CHD6: variants seen among roughly 807,000 people sequenced by gnomAD.
CHD6 encodes the protein chromodomain helicase DNA binding protein 6, also known as ATP-dependent chromatin remodeler CHD6.
In CHD6, 50 loss-of-function variants were observed where a neutral mutation model predicts 276.9. That is an observed-to-expected ratio of 0.18 (90% confidence interval 0.14 to 0.23). The LOEUF is 0.23. Among genes scored for constraint, CHD6 ranks in the 10% least tolerant of loss-of-function variants. The pLI, the probability that CHD6 is intolerant of heterozygous loss-of-function variation, is 1.00. For missense variants in CHD6, 2,564 were observed against 3,365.8 expected (o/e 0.76, Z 5.89); for synonymous variants, 1,173 against 1,229.3 (o/e 0.95, Z 0.96).
chr20:41,539,578 G>T (rs2044900679), intron 2 of CHD6, among the ~76,000 whole-genome samples: 1 of 152,222 alleles, frequency 6.6e-6, no homozygotes, highest in Non-Finnish European at 1.5e-5. Flanking sequence ...CATGAGGGCA[G>T]TGCTAGAAAT....
rs1019551690 is a variant in CHD6, at chr20:41,416,517, T to C, written c.6486+71A>G. 9 of 1,391,586 alleles carry C rather than the reference T, an allele frequency of 6.5e-6. No homozygotes were observed. The Admixed American group carries it at 1.7e-4, about 26-fold the overall frequency. 86.2% of individuals were successfully genotyped at this position (1,391,586 alleles called of 1,614,324 possible). ...ACTCAGTAAATACTTGCTGAATGAA[T>C]GAACTCAACAGAGACGTGGAACACG... On this transcript the variant is annotated intron_variant, in intron 33 of 36. Coordinates refer to ENST00000373233, the MANE Select transcript of CHD6 (RefSeq NM_032221.5).
intron 1 of CHD6, among the ~76,000 whole-genome samples, chr20:41,563,535 G>C (rs1358080808): frequency 6.6e-6 from 1 of 152,132 alleles, no homozygotes; most frequent in African/African-American, 2.4e-5. Flanking sequence ...TGATGAGTGA[G>C]GCACATTCGC....
At chr20:41,559,849 A>C (rs1037893312) in intron 1 of CHD6, among the ~76,000 whole-genome samples, 7 of 151,810 alleles carry the variant, frequency 4.6e-5, no homozygotes, top group Admixed American at 4.6e-4. Flanking sequence ...TTCCAAAACG[A>C]AACTCAGTAC....
chr20:41,444,902 G>A (rs2048017382), intron 25 of CHD6, among the ~76,000 whole-genome samples: 6 of 152,168 alleles, frequency 3.9e-5, no homozygotes, highest in Admixed American at 3.9e-4. Flanking sequence ...GCTAAAGCCA[G>A]GTATACCTAA....
intron 3 of CHD6, 60 bp downstream of exon 3, chr20:41,532,990 A>C: frequency 6.6e-7 from 1 of 1,520,754 alleles, no homozygotes; most frequent in Non-Finnish European, 8.8e-7. Flanking sequence ...GCTAATGCCA[A>C]AGGCAAATCG....
chr20:41,583,121 C>T (rs1424047186), intron 1 of CHD6, among the ~76,000 whole-genome samples: 1 of 152,068 alleles, frequency 6.6e-6, no homozygotes, highest in Non-Finnish European at 1.5e-5. Context: ...AAAATAAAGT[C>T]ATCAAATCAC....
At chr20:41,453,163 T>G (rs2048289777) in intron 20 of CHD6, among the ~76,000 whole-genome samples, 1 of 152,072 alleles carries the variant, frequency 6.6e-6, no homozygotes, top group Non-Finnish European at 1.5e-5. Flanking sequence ...TGGCCCCCAG[T>G]GCTGCTTGTC....
Position 41,423,495 on chromosome 20 carries a change from C to T in CHD6, c.4552G>A (p.Gly1518Ser), listed in dbSNP as rs752231563. 6.2e-7 allele frequency: 1 copy of T among 1,613,754 alleles called. No homozygotes were observed. ...NVCRLPTWKD[G>S]GPPDTTIYVE... is the part of the protein sequence containing the mutation. ...AATATACTGATAGTTTTCTCACCGC[C>T]ATCTTTCCATGTGGGTAGACGACAG... is the stretch of plus-strand genomic sequence containing the variant. The change falls in exon 30 of 37, where the codon GGC (glycine) becomes AGC (serine). Residue 1518 changes from glycine to serine, a missense_variant. By Grantham distance (56) the Gly-to-Ser change is moderately conservative (BLOSUM62 0). This residue lies in a region of CHD6 where 515 missense variants were observed against 739.5 expected (regional missense o/e 0.70). Coordinates refer to ENST00000373233, the MANE Select transcript of CHD6 (RefSeq NM_032221.5).
At chr20:41,547,696 G>C (rs1201808301) in intron 2 of CHD6, 4 of 698,888 alleles carry the variant, frequency 5.7e-6, no homozygotes, top group Non-Finnish European at 9.7e-6. Flanking sequence ...CCAATAGACA[G>C]AAAGAAACAG....
chr20:41,570,158 G>A (rs1364845529), intron 1 of CHD6, among the ~76,000 whole-genome samples: 1 of 152,218 alleles, frequency 6.6e-6, no homozygotes, highest in African/African-American at 2.4e-5. Context: ...ATTTGAAAAT[G>A]ACAGTCTTTA....
chr20:41,555,672 G>A (rs1202861313), intron 1 of CHD6, among the ~76,000 whole-genome samples: 31 of 148,380 alleles, frequency 2.1e-4, no homozygotes, highest in Non-Finnish European at 3.8e-4. Flanking sequence ...GGGCAGAGGC[G>A]CTCCCCACAT....
At chr20:41,408,632 A>G (rs992142342) in intron 36 of CHD6, among the ~76,000 whole-genome samples, 2 of 152,156 alleles carry the variant, frequency 1.3e-5, no homozygotes, top group Non-Finnish European at 2.9e-5. Flanking sequence ...ACTTGACCAC[A>G]TATCTTTCTG....
At chr20:41,597,286 C>T (rs548017431) in intron 1 of CHD6, among the ~76,000 whole-genome samples, 153 of 152,218 alleles carry the variant, frequency 1.0e-3, no homozygotes, top group African/African-American at 3.4e-3. Context: ...AACTGCTCCC[C>T]GGAAAGACAT....
intron 2 of CHD6, among the ~76,000 whole-genome samples, chr20:41,544,916 T>C (rs1054954997): frequency 1.3e-5 from 2 of 152,090 alleles, no homozygotes; most frequent in African/African-American, 4.8e-5. Flanking sequence ...ACTGGCAAAC[T>C]ATGATTCTAG....
intron 12 of CHD6, 150 bp downstream of exon 12, chr20:41,489,628 G>A (rs2043500755): frequency 1.1e-6 from 1 of 945,868 alleles, no homozygotes; most frequent in South Asian, 1.6e-5. Context: ...GAGCTACCAG[G>A]GAGAGCAGGA....
intron 5 of CHD6, 92 bp downstream of exon 5, chr20:41,512,754 C>T: frequency 6.9e-7 from 1 of 1,449,918 alleles, no homozygotes; most frequent in Non-Finnish European, 9.6e-7. Context: ...AATGATCTGA[C>T]TTATGCTTTA....
chr20:41,616,314 A>C (rs953565928), intron 1 of CHD6, among the ~76,000 whole-genome samples: 1 of 152,248 alleles, frequency 6.6e-6, no homozygotes, highest in African/African-American at 2.4e-5. Flanking sequence ...CAGTGCTATT[A>C]AATGTAACAG....
intron 30 of CHD6, 117 bp downstream of exon 30, chr20:41,423,375 C>T: frequency 2.2e-6 from 2 of 911,194 alleles, no homozygotes; most frequent in Non-Finnish European, 3.5e-6. Context: ...CTCATCTTTA[C>T]CTAAATTCCT....
chr20:41,618,270 CG>C (rs954849429), intron 1 of CHD6, 69 bp downstream of exon 1: 299 of 151,836 alleles, frequency 2.0e-3, no homozygotes, highest in African/African-American at 6.8e-3. Flanking sequence ...GGGGCGGGGC[CG>C]GGGACCCGCG....
Sources: gnomAD v4.1 joint callset for allele counts (sites outside exome capture counted in the v4.1 genomes callset) on GRCh38, gnomAD v4.1.1 for gene constraint, gnomAD v4.1.1 regional missense constraint, MANE v1.5 for transcripts, NCBI Gene and HGNC (gene_info 2026-07-23, HGNC 2026-07-21) for gene names.